Variants in COL14A1 observed in about 807,000 individuals in gnomAD.
The protein encoded by COL14A1 is collagen alpha-1(XIV) chain.
In COL14A1, 136 loss-of-function variants were observed where a neutral mutation model predicts 230.3. The ratio of observed to expected loss-of-function variants is 0.59; its 90% confidence interval spans 0.51 to 0.68. The LOEUF (loss-of-function observed/expected upper bound fraction) is 0.68, where lower values mean the gene tolerates loss of function less well. COL14A1 is among the 30% of genes least tolerant of loss of function. COL14A1 has a pLI of 0.00. For synonymous variants in COL14A1, 792 were observed against 784.1 expected, an observed-to-expected ratio of 1.01 and a Z score of -0.17; for missense variants, 1,976 against 2,215.8, an observed-to-expected ratio of 0.89 and a Z score of 2.17.
chr8:120,174,977 C>G (rs901165065), intron 5 of COL14A1, among the ~76,000 whole-genome samples: 1 of 152,180 alleles, frequency 6.6e-6, no homozygotes, highest in African/African-American at 2.4e-5. Flanking sequence ...GTGGTACTCT[C>G]GTGATCCACA....
intron 19 of COL14A1, among the ~76,000 whole-genome samples, chr8:120,233,926 GAT>G (rs879619127): frequency 3.9e-5 from 6 of 152,094 alleles, no homozygotes; most frequent in Non-Finnish European, 8.8e-5. Context: ...CCATTTTTAT[GAT>G]ATTGATTCTA....
At position 120,278,585 on chromosome 8, in the gene COL14A1, T is replaced by C; in HGVS notation, c.3481+7T>C. The C allele has an allele frequency of 1.2e-6, 2 of 1,611,044 alleles. No homozygotes were observed. The highest frequency in any genetic ancestry group is 1.7e-6 in the Non-Finnish European group (2 of 1,178,500). On this transcript the variant is annotated splice_region_variant and intron_variant, in intron 28 of 47. Transcript: ENST00000297848. ...AGGGAGATGCAATTAGATGGTAAGA[T>C]ATATAAACAATAGTGGCTACCAAAT...
chr8:120,355,138 G>C (rs77961611), intron 45 of COL14A1, among the ~76,000 whole-genome samples: 35 of 152,228 alleles, frequency 2.3e-4, no homozygotes, highest in African/African-American at 8.4e-4. Flanking sequence ...CTTTTCTGAC[G>C]TCAACTCACT....
intron 19 of COL14A1, among the ~76,000 whole-genome samples, chr8:120,232,590 C>T (rs1818310111): frequency 6.6e-6 from 1 of 152,164 alleles, no homozygotes; most frequent in Admixed American, 6.5e-5. Context: ...CTGCAAAGGA[C>T]ATGAACTCAT....
At chr8:120,205,847 C>T (rs1219359855) in intron 9 of COL14A1, among the ~76,000 whole-genome samples, 1 of 152,042 alleles carries the variant, frequency 6.6e-6, no homozygotes, top group Admixed American at 6.5e-5. Flanking sequence ...TATTAAAGTC[C>T]CTTTGAGTAA....
chr8:120,280,921 G>A lies in COL14A1; in HGVS notation c.3686G>A (p.Gly1229Glu). 1 of 1,501,878 alleles carries A rather than the reference G, an allele frequency of 6.7e-7. No homozygotes were observed. The highest frequency in any genetic ancestry group is 9.1e-7 in the Non-Finnish European group (1 of 1,104,966). 93.0% of individuals were successfully genotyped at this position (1,501,878 alleles called of 1,614,324 possible). ...VVHKDGIDLA[G>E]FKMMEMFGLV... ...TTTTCTACTTTTTTTTTTTTTTTAG[G>A]ATTTAAGATGATGGAAATGTTTGGT... Residue 1229 changes from glycine (G) to glutamate (E), a missense_variant and splice_region_variant, in exon 31 of 48, where the codon GGA becomes GAA. Gly to Glu is a moderately conservative substitution (Grantham distance 98). Around this residue, in one of 3 missense-constraint regions of COL14A1, gnomAD observed 1,791 missense variants for 2,019.5 expected, o/e 0.89. Transcript: ENST00000297848.
intron 40 of COL14A1, among the ~76,000 whole-genome samples, chr8:120,319,509 T>G (rs1190811781): frequency 1.3e-5 from 2 of 152,024 alleles, no homozygotes; most frequent in Non-Finnish European, 2.9e-5. Flanking sequence ...AGCCACAAAC[T>G]TAAAGCGCAA....
At chr8:120,194,410 C>T (rs750219201) in intron 5 of COL14A1, among the ~76,000 whole-genome samples, 4 of 152,034 alleles carry the variant, frequency 2.6e-5, no homozygotes, top group Non-Finnish European at 5.9e-5. Context: ...CCCCTTACCC[C>T]CAAAATCTAA....
At chr8:120,196,045 G>T (rs947959722) in intron 5 of COL14A1, among the ~76,000 whole-genome samples, 21 of 152,114 alleles carry the variant, frequency 1.4e-4, no homozygotes, top group African/African-American at 3.9e-4. Flanking sequence ...TGCTGTGAGT[G>T]GGGCCTTCTC....
rs375641862 is a variant in COL14A1, at chr8:120,210,744, G to GA, written c.1467+844dup. 3.1e-3 allele frequency among the ~76,000 whole-genome samples: 476 copies of GA among 152,244 alleles called. 4 individuals are homozygous for GA. The highest frequency in any genetic ancestry group is 0.011 in the African/African-American group (458 of 41,550). ...ATAAGCAAAGCAATTCAGAGAACTT[G>GA]ATTGTCTAAAATTGTGTAAAGCCTG... On this transcript the variant is annotated intron_variant, in intron 12 of 47. Coordinates refer to ENST00000297848, the MANE Select transcript of COL14A1 (RefSeq NM_021110.4).
chr8:120,149,920 C>T (rs1362181347), intron 2 of COL14A1, among the ~76,000 whole-genome samples: 4 of 152,150 alleles, frequency 2.6e-5, no homozygotes, highest in Non-Finnish European at 5.9e-5. Flanking sequence ...TCTCGAACTC[C>T]TGACCTCAAG....
intron 2 of COL14A1, among the ~76,000 whole-genome samples, chr8:120,157,471 A>G (rs1815517670): frequency 6.6e-6 from 1 of 152,218 alleles, no homozygotes; most frequent in African/African-American, 2.4e-5. Context: ...CACATGTTTC[A>G]AGGAGAAAAA....
intron 35 of COL14A1, among the ~76,000 whole-genome samples, chr8:120,298,434 A>G (rs1473359113): frequency 6.6e-6 from 1 of 151,286 alleles, no homozygotes; most frequent in Non-Finnish European, 1.5e-5. Context: ...TAAACATTTA[A>G]AAGTTATTTA....
At chr8:120,335,108 A>G (rs1678306286) in intron 42 of COL14A1, among the ~76,000 whole-genome samples, 1 of 152,158 alleles carries the variant, frequency 6.6e-6, no homozygotes, top group Admixed American at 6.5e-5. Flanking sequence ...AAGGAAGGAA[A>G]GAAATGCAGG....
chr8:120,274,401 T>C (rs1819775349), intron 26 of COL14A1, among the ~76,000 whole-genome samples: 1 of 151,750 alleles, frequency 6.6e-6, no homozygotes, highest in Admixed American at 6.6e-5. Flanking sequence ...ATAGCATTCC[T>C]TCTGAGAACT....
chr8:120,158,455 A>G (rs1174131795), intron 3 of COL14A1, among the ~76,000 whole-genome samples: 1 of 152,236 alleles, frequency 6.6e-6, no homozygotes, highest in African/African-American at 2.4e-5. Flanking sequence ...TTTTTAGACC[A>G]AATAATCAGA....
intron 10 of COL14A1, among the ~76,000 whole-genome samples, chr8:120,207,742 G>A (rs992668394): frequency 9.9e-5 from 15 of 151,404 alleles, no homozygotes; most frequent in Non-Finnish European, 1.3e-4. Context: ...GCCTCTGACT[G>A]ACCTCAGCAT....
At chr8:120,164,413 C>T (rs1220560593) in intron 4 of COL14A1, among the ~76,000 whole-genome samples, 1 of 152,104 alleles carries the variant, frequency 6.6e-6, no homozygotes, top group Non-Finnish European at 1.5e-5. Context: ...CACCCCTTCC[C>T]TCCCTTTTTT....
intron 1 of COL14A1, among the ~76,000 whole-genome samples, chr8:120,144,642 C>A (rs531731395): frequency 6.6e-6 from 1 of 151,978 alleles, no homozygotes; most frequent in South Asian, 2.1e-4. Context: ...AAACTACTAA[C>A]CTATACAGTA....
Sources: gnomAD v4.1 joint callset for allele counts (sites outside exome capture counted in the v4.1 genomes callset) on GRCh38, gnomAD v4.1.1 for gene constraint, gnomAD v4.1.1 regional missense constraint, MANE v1.5 for transcripts, NCBI Gene and HGNC (gene_info 2026-07-23, HGNC 2026-07-21) for gene names.